Variants in SLC2A14 observed in about 807,000 individuals in gnomAD.
SLC2A14 encodes solute carrier family 2, facilitated glucose transporter member 14.
Under a neutral mutation model 43.0 loss-of-function variants are expected in SLC2A14, and 13 were observed. The ratio of observed to expected loss-of-function variants is 0.30; its 90% CI spans 0.20 to 0.48. The LOEUF (loss-of-function observed/expected upper bound fraction) is 0.48. SLC2A14 is among the 20% of genes least tolerant of loss of function. The pLI is 0.99. For synonymous variants in SLC2A14, 190 were observed against 233.8 expected (o/e 0.81, Z 1.71); for missense variants, 428 against 620.4 (o/e 0.69, Z 3.29).
intron 2 of SLC2A14, among the ~76,000 whole-genome samples, chr12:7,841,440 T>C (rs1387277023): frequency 1.3e-5 from 2 of 152,160 alleles, no homozygotes; most frequent in East Asian, 3.9e-4. Context: ...TTTGTATTTT[T>C]AGTAGAGACG....
upstream of SLC2A14, among the ~76,000 whole-genome samples, chr12:7,874,297 T>A (rs765331978): frequency 6.6e-6 from 1 of 152,170 alleles, no homozygotes; most frequent in African/African-American, 2.4e-5. Context: ...AGGTATACAC[T>A]CAACAGAAAT....
upstream of SLC2A14, among the ~76,000 whole-genome samples, chr12:7,875,962 C>G (rs1445010103): frequency 6.6e-6 from 1 of 150,962 alleles, no homozygotes; most frequent in Admixed American, 6.6e-5. Flanking sequence ...GGCTACAGAA[C>G]AAGACTTCGT....
At chr12:7,827,089 TTCTTTCTC>T (rs1864549867) in intron 7 of SLC2A14, among the ~76,000 whole-genome samples, 1 of 118,910 alleles carries the variant, frequency 8.4e-6, no homozygotes, top group Non-Finnish European at 1.8e-5. Context: ...CTTTCTTTCT[TTCTTTCTC>T]TTTCTTTCTT....
In SLC2A14 at chr12:7,818,302, G is replaced by C. The variant is rs1321975194; in HGVS notation, c.1072-268C>G. ...GGGCTTAAGCAATCCTCCCACCTCA[G>C]CCTCTCAAATAGCTGGGACTTGAGG... is the stretch of plus-strand genomic sequence containing the variant. On this transcript the variant is annotated intron_variant, in intron 9 of 10. Transcript: ENST00000431042. Among the ~76,000 whole-genome samples the C allele has an allele frequency of 2.0e-5, 3 of 152,200 alleles. No individual in the cohort carries two copies. In the East Asian group the frequency reaches 5.8e-4, roughly 29 times the overall value.
intron 10 of SLC2A14, among the ~76,000 whole-genome samples, chr12:7,815,565 A>G (rs1034117269): frequency 6.6e-6 from 1 of 152,006 alleles, no homozygotes; most frequent in African/African-American, 2.4e-5. Context: ...GTCCCCAGTT[A>G]TCCAGTTTTG....
upstream of SLC2A14, among the ~76,000 whole-genome samples, chr12:7,874,078 C>T (rs1945365555): frequency 6.6e-6 from 1 of 152,094 alleles, no homozygotes; most frequent in Admixed American, 6.6e-5. Context: ...CACATTAAAA[C>T]TACATGAGAT....
rs1407824391 is a variant in SLC2A14, at chr12:7,818,048, G to A, written c.1072-14C>T. On this transcript the variant is annotated splice_polypyrimidine_tract_variant and intron_variant, in intron 9 of 10. Coordinates refer to ENST00000431042, the MANE Select transcript of SLC2A14 (RefSeq NM_001286234.2). ...ATTATAGTGATTCTGTAAGAGGAAGGAACACAGAAGATTAAATTTAAAGAC... is the reference window on the plus strand; with the variant it reads ...ATTATAGTGATTCTGTAAGAGGAAGAAACACAGAAGATTAAATTTAAAGAC... 4 of 1,606,678 alleles carry A rather than the reference G, an allele frequency of 2.5e-6. No individual in the cohort carries two copies. Among genetic ancestry groups the A allele is most frequent in the Non-Finnish European group, 3.4e-6 (4 of 1,176,106 alleles).
At chr12:7,884,024 C>T (rs1490143806) in intron 1 of SLC2A14, among the ~76,000 whole-genome samples, 2 of 150,598 alleles carry the variant, frequency 1.3e-5, no homozygotes, top group African/African-American at 2.4e-5. Context: ...CCCGGGTTCA[C>T]GCCATTCTCC....
intron 3 of SLC2A14, among the ~76,000 whole-genome samples, chr12:7,832,319 T>C (rs970224769): frequency 2.6e-5 from 4 of 152,146 alleles, no homozygotes; most frequent in African/African-American, 9.7e-5. Flanking sequence ...CTGGCCAGCT[T>C]GGTAACTAAC....
At chr12:7,815,957 A>T (rs946251909) in intron 10 of SLC2A14, among the ~76,000 whole-genome samples, 1 of 151,348 alleles carries the variant, frequency 6.6e-6, no homozygotes, top group Admixed American at 6.6e-5. Context: ...CTTGAGTGCA[A>T]TGGTGCAAGC....
intron 7 of SLC2A14, among the ~76,000 whole-genome samples, chr12:7,826,860 T>TCCTTCCTTCC (rs377050811): frequency 5.6e-5 from 4 of 71,388 alleles, no homozygotes; most frequent in African/African-American, 1.2e-4. Flanking sequence ...CTTCCTTTCT[T>TCCTTCCTTCC]TTTTCTTTCT....
intron 4 of SLC2A14, among the ~76,000 whole-genome samples, chr12:7,830,243 C>T (rs1312002475): frequency 6.6e-6 from 1 of 151,888 alleles, no homozygotes; most frequent in Non-Finnish European, 1.5e-5. Flanking sequence ...ACCTCTGACT[C>T]CCAGGTTCAA....
upstream of SLC2A14, among the ~76,000 whole-genome samples, chr12:7,875,181 A>C (rs1176941966): frequency 7.6e-6 from 1 of 131,956 alleles, no homozygotes; most frequent in African/African-American, 2.7e-5. Flanking sequence ...ATTATATATA[A>C]TATATAAATA....
At chr12:7,853,920 A>T (rs1048618923) in intron 2 of SLC2A14, among the ~76,000 whole-genome samples, 1 of 152,302 alleles carries the variant, frequency 6.6e-6, no homozygotes, top group Admixed American at 6.5e-5. Context: ...GGAAATGAGC[A>T]TCAAATTTAT....
At position 7,830,318 on chromosome 12, in the gene SLC2A14, A is replaced by AT. The variant is rs201332154; in HGVS notation, c.273-313dup. Among the ~76,000 whole-genome samples the AT allele has an allele frequency of 1.7e-3, 251 of 151,956 alleles. 10 individuals carry two copies. The East Asian group carries it at 0.044, about 27-fold the overall frequency. ...AGGCGCCTGCCACCATGCCTGGCTA[A>AT]TTTTTTTGTATTTTAGTAGAGATGG... On this transcript the variant is annotated intron_variant, in intron 4 of 10. Coordinates refer to ENST00000431042, the MANE Select transcript of SLC2A14 (RefSeq NM_001286234.2).
upstream of SLC2A14, among the ~76,000 whole-genome samples, chr12:7,874,936 AT>A (rs1453930781): frequency 0.028 from 637 of 22,772 alleles, 30 homozygotes; most frequent in Non-Finnish European, 0.04. Flanking sequence ...TTTATATATA[AT>A]TTATATATAA....
At chr12:7,846,881 C>A (rs1474830188) in intron 2 of SLC2A14, among the ~76,000 whole-genome samples, 1 of 151,586 alleles carries the variant, frequency 6.6e-6, no homozygotes, top group Non-Finnish European at 1.5e-5. Flanking sequence ...ATCCACCTGC[C>A]CTGGCCTCCC....
At chr12:7,883,263 CT>C (rs372464881) in intron 1 of SLC2A14, among the ~76,000 whole-genome samples, 2,734 of 108,226 alleles carry the variant, frequency 0.025, 65 homozygotes, top group African/African-American at 0.078. Context: ...TTCTTTCTTT[CT>C]TTTTTTTTTT....
At chr12:7,863,061 T>C (rs975603704) in intron 2 of SLC2A14, among the ~76,000 whole-genome samples, 1 of 152,128 alleles carries the variant, frequency 6.6e-6, no homozygotes, top group African/African-American at 2.4e-5. Context: ...AGCTTTGTTG[T>C]TTCACTCTTT....
Sources: allele counts gnomAD v4.1 joint callset (sites outside exome capture counted in the v4.1 genomes callset), GRCh38; gene constraint gnomAD v4.1.1; transcripts MANE v1.5; gene names NCBI Gene and HGNC (gene_info 2026-07-23, HGNC 2026-07-21).